The following CSMD3 variants were observed in gnomAD, a reference collection of about 807,000 sequenced individuals.
CSMD3 encodes CUB and sushi domain-containing protein 3.
Under a neutral mutation model 435.2 loss-of-function variants are expected in CSMD3, and 177 were observed. That is an observed-to-expected ratio of 0.41 (90% confidence interval 0.36 to 0.46). The LOEUF (loss-of-function observed/expected upper bound fraction) is 0.46, where lower values mean the gene tolerates loss of function less well. CSMD3 is among the 20% of genes least tolerant of loss of function. The pLI is 0.34. For synonymous variants in CSMD3, 1,656 were observed against 1,520.5 expected (o/e 1.09, Z -2.07); for missense variants, 4,265 against 4,504.6 (o/e 0.95, Z 1.52).
At chr8:112,228,651 A>G in intron 70 of CSMD3, 105 bp downstream of exon 70, 4 of 1,227,864 alleles carry the variant, frequency 3.3e-6, no homozygotes, top group South Asian at 1.2e-5. Flanking sequence ...AGACATTTCA[A>G]CAACTCAGAA....
chr8:113,130,681 A>G (rs1323103352), intron 4 of CSMD3, among the ~76,000 whole-genome samples: 1 of 152,188 alleles, frequency 6.6e-6, no homozygotes, highest in Non-Finnish European at 1.5e-5. Flanking sequence ...GGTACATGAA[A>G]AAGTGGAAGT....
At chr8:112,299,106 C>A (rs1820651309) in intron 53 of CSMD3, among the ~76,000 whole-genome samples, 1 of 152,018 alleles carries the variant, frequency 6.6e-6, no homozygotes, top group African/African-American at 2.4e-5. Flanking sequence ...AAAGAGTGCA[C>A]AATTTTCAAT....
chr8:113,157,692 T>C (rs567128678), intron 4 of CSMD3, among the ~76,000 whole-genome samples: 1 of 152,256 alleles, frequency 6.6e-6, no homozygotes, highest in African/African-American at 2.4e-5. Context: ...ATTTCAGAAA[T>C]AGCTGCTCAA....
chr8:112,664,105 C>T (rs1044359759), intron 17 of CSMD3, among the ~76,000 whole-genome samples: 1 of 151,962 alleles, frequency 6.6e-6, no homozygotes, highest in African/African-American at 2.4e-5. Flanking sequence ...TTTCAACTAC[C>T]GTTGCACCTC....
At chr8:112,773,858 T>C (rs571070738) in intron 13 of CSMD3, among the ~76,000 whole-genome samples, 4 of 152,144 alleles carry the variant, frequency 2.6e-5, no homozygotes, top group African/African-American at 9.6e-5. Flanking sequence ...GTAGAAAGAA[T>C]GTAACAAAAA....
rs531622249 is a variant in CSMD3, at chr8:113,337,880, T to C, written c.179-23087A>G. Among the ~76,000 whole-genome samples, 4 of 152,016 alleles carry C rather than the reference T, an allele frequency of 2.6e-5. No individual in the cohort carries two copies. In the South Asian group the frequency reaches 6.2e-4, roughly 24 times the overall value. Reference sequence around the variant, plus strand: ...AAAAAAAAAATGATAACTAAGGTAATGCATATGTTAATTAACTCAGTTTAG... The same window carrying C: ...AAAAAAAAAATGATAACTAAGGTAACGCATATGTTAATTAACTCAGTTTAG... On this transcript the variant is annotated intron_variant, in intron 1 of 70. Coordinates refer to ENST00000297405, the MANE Select transcript of CSMD3 (RefSeq NM_198123.2).
At chr8:113,147,201 C>T (rs1407400809) in intron 4 of CSMD3, among the ~76,000 whole-genome samples, 2 of 151,540 alleles carry the variant, frequency 1.3e-5, no homozygotes, top group African/African-American at 4.8e-5. Context: ...GGAAAAGAAG[C>T]TTTCTATGGT....
chr8:112,405,214 C>CATATGTATATAT (rs1831704643), intron 35 of CSMD3, among the ~76,000 whole-genome samples: 1 of 19,070 alleles, frequency 5.2e-5, no homozygotes, highest in Non-Finnish European at 8.0e-5. Flanking sequence ...AAAAAACCCC[C>CATATGTATATAT]ATATATATAT....
chr8:112,591,027 T>A (rs561916302), intron 22 of CSMD3, among the ~76,000 whole-genome samples: 225 of 152,186 alleles, frequency 1.5e-3, no homozygotes, highest in Admixed American at 3.7e-3. Flanking sequence ...ATCATAAAAA[T>A]TAATAATATG....
At chr8:113,256,208 T>C (rs1019417540) in intron 3 of CSMD3, among the ~76,000 whole-genome samples, 3 of 152,168 alleles carry the variant, frequency 2.0e-5, no homozygotes, top group Non-Finnish European at 4.4e-5. Flanking sequence ...ATAAATATCA[T>C]ATTTATAAAA....
chr8:112,325,331 A>G (rs1314324402), intron 45 of CSMD3, among the ~76,000 whole-genome samples: 1 of 152,096 alleles, frequency 6.6e-6, no homozygotes, highest in Non-Finnish European at 1.5e-5. Context: ...CTTGAAATCT[A>G]TCTTCCTAGC....
intron 1 of CSMD3, among the ~76,000 whole-genome samples, chr8:113,388,120 A>T (rs1334388810): frequency 6.6e-6 from 1 of 151,714 alleles, no homozygotes; most frequent in Non-Finnish European, 1.5e-5. Flanking sequence ...GATTATCTTT[A>T]TATGCTATGC....
intron 16 of CSMD3, among the ~76,000 whole-genome samples, chr8:112,682,091 AT>A (rs1219419967): frequency 1.3e-5 from 2 of 152,102 alleles, no homozygotes; most frequent in African/African-American, 4.8e-5. Context: ...TGTACCATGA[AT>A]AGATAACATA....
intron 3 of CSMD3, among the ~76,000 whole-genome samples, chr8:113,177,949 T>G (rs2092371233): frequency 6.6e-6 from 1 of 151,946 alleles, no homozygotes; most frequent in African/African-American, 2.4e-5. Flanking sequence ...CAGTTGTGTT[T>G]AAAGGGGTAG....
chr8:112,636,433 G>A (rs2074658729), intron 22 of CSMD3, among the ~76,000 whole-genome samples: 1 of 151,862 alleles, frequency 6.6e-6, no homozygotes, highest in South Asian at 2.1e-4. Flanking sequence ...TAGAATACAA[G>A]AATTCTATTT....
chr8:113,058,321 T>C (rs2088442811), intron 5 of CSMD3, among the ~76,000 whole-genome samples: 1 of 151,964 alleles, frequency 6.6e-6, no homozygotes, highest in Non-Finnish European at 1.5e-5. Flanking sequence ...ATGACCTGAT[T>C]TTAAATATTC....
chr8:113,333,622 T>C (rs774506988), intron 1 of CSMD3, among the ~76,000 whole-genome samples: 1 of 151,902 alleles, frequency 6.6e-6, no homozygotes, highest in Non-Finnish European at 1.5e-5. Flanking sequence ...TCTATTGTGT[T>C]CCAATGATCT....
intron 32 of CSMD3, among the ~76,000 whole-genome samples, chr8:112,446,013 T>G (rs1198756210): frequency 6.6e-6 from 1 of 152,210 alleles, no homozygotes; most frequent in African/African-American, 2.4e-5. Context: ...ACACATATCT[T>G]TTCTTCAAGA....
chr8:112,771,628 C>T (rs1052964419), intron 13 of CSMD3, among the ~76,000 whole-genome samples: 2 of 151,916 alleles, frequency 1.3e-5, no homozygotes, highest in African/African-American at 4.8e-5. Flanking sequence ...CTAATGAGTG[C>T]TACTCTTTCT....
Sources: allele counts gnomAD v4.1 joint callset (sites outside exome capture counted in the v4.1 genomes callset), GRCh38; gene constraint gnomAD v4.1.1; transcripts MANE v1.5; gene names NCBI Gene and HGNC (gene_info 2026-07-23, HGNC 2026-07-21).